The following DPM2 variants were observed in gnomAD, a reference collection of about 807,000 sequenced individuals.
The protein encoded by DPM2 is dolichol phosphate-mannose biosynthesis regulatory protein.
DPM2 carries 8 observed loss-of-function variants against 12.1 expected under a neutral mutation model. The ratio of observed to expected loss-of-function variants is 0.66; its 90% CI spans 0.39 to 1.19. The LOEUF (loss-of-function observed/expected upper bound fraction) is 1.19. DPM2 is among the 50% of genes most tolerant of loss of function. The pLI is 0.01. For synonymous variants in DPM2, 38 were observed against 44.7 expected, an observed-to-expected ratio of 0.85 and a Z score of 0.60; for missense variants, 93 against 102.5, an observed-to-expected ratio of 0.91 and a Z score of 0.40.
Position 127,936,556 on chromosome 9 carries a change from C to A in DPM2, c.193G>T (p.Val65Leu). 1 of 1,590,102 alleles carries A rather than the reference C, an allele frequency of 6.3e-7. No homozygotes were observed. Among genetic ancestry groups the A allele is most frequent in the East Asian group, 2.3e-5 (1 of 43,774 alleles). ...AGGGGAGGAGGTGATGACTTACCCA[C>A]AAACAGGAGCAGCAGGAGGCCTGCA... ...LAAGLLLLLF[V>L]GLFISYVMLK... The change falls in exon 3 of 4, where the codon GTG (valine) becomes TTG (leucine). Residue 65 changes from valine to leucine, a missense_variant. By Grantham distance (32) the Val-to-Leu change is conservative. Transcript: ENST00000314392.
rs952440093 is a variant in DPM2 at position 127,937,112 on chromosome 9, T to C, written c.93+322A>G. ...AATATCCTAAAGGCCTTCACAAATATCACTGGCGTTTGCCATGCCTAAGAG... is the reference window on the plus strand; with the variant it reads ...AATATCCTAAAGGCCTTCACAAATACCACTGGCGTTTGCCATGCCTAAGAG... On this transcript the variant is annotated intron_variant, in intron 2 of 3. Transcript: ENST00000314392. The C allele has an allele frequency of 1.3e-5, 4 of 302,460 alleles. No homozygotes were observed. The Admixed American group carries it at 1.9e-4, about 14-fold the overall frequency. The allele number at this position is 302,460 out of a possible 1,614,324, so 18.7% of individuals were successfully genotyped here.
chr9:127,935,582 C>T lies in DPM2; in HGVS notation c.*140G>A. ...GGGGCTCCAGTCAGTCAGGTGTAAGCTCCATGCCATGGGGACTCTGCAGGA... is the reference window on the plus strand; with the variant it reads ...GGGGCTCCAGTCAGTCAGGTGTAAGTTCCATGCCATGGGGACTCTGCAGGA... On this transcript the variant is annotated 3_prime_UTR_variant, in exon 4 of 4. Coordinates refer to ENST00000314392, the MANE Select transcript of DPM2 (RefSeq NM_003863.4). 1 of 841,224 alleles carries T rather than the reference C, an allele frequency of 1.2e-6. No homozygotes were observed. The highest frequency in any genetic ancestry group is 1.7e-5 in the African/African-American group (1 of 59,642). The allele number at this position is 841,224 out of a possible 1,614,324, so 52.1% of individuals were successfully genotyped here. A position where few individuals can be genotyped will look rare whatever the true frequency, so the allele number is the denominator to read the frequency against.
At chr9:127,936,755 A>C in intron 2 of DPM2, 100 bp from the exon 3 acceptor site, 1 of 1,065,886 alleles carries the variant, frequency 9.4e-7, no homozygotes, top group Non-Finnish European at 1.3e-6. Flanking sequence ...ACCCATTCAG[A>C]GGACTGGGAC....
In DPM2 at chr9:127,935,708, T is replaced by A. The variant is rs1352343761; in HGVS notation, c.*14A>T. 21 of 1,613,104 alleles carry A rather than the reference T, an allele frequency of 1.3e-5. No homozygotes were observed. Among genetic ancestry groups the A allele is most frequent in the Non-Finnish European group, 1.7e-5 (20 of 1,179,332 alleles). On this transcript the variant is annotated 3_prime_UTR_variant, in exon 4 of 4. Transcript: ENST00000314392. ...AGCAGAGAAGGGGCTGGCAGCCTCA[T>A]CCCTGCGGGACCTTCACTGAGCCTT...
At chr9:127,936,524 A>G in intron 3 of DPM2, 29 bp downstream of exon 3, 1 of 1,603,280 alleles carries the variant, frequency 6.2e-7, no homozygotes, top group Non-Finnish European at 8.5e-7. Context: ...AACCCTGCCC[A>G]GGGTCAAGGG....
At chr9:127,936,720 C>A in intron 2 of DPM2, 65 bp from the exon 3 acceptor site, 1 of 1,373,804 alleles carries the variant, frequency 7.3e-7, no homozygotes, top group East Asian at 2.7e-5. Context: ...GCCCAAACGT[C>A]CCACCTCCTC....
intron 2 of DPM2, 132 bp downstream of exon 2, chr9:127,937,302 A>G (rs553534555): frequency 3.1e-6 from 2 of 649,596 alleles, no homozygotes; most frequent in Non-Finnish European, 5.4e-6. Context: ...TCTTCCTCAT[A>G]GAGTTGTTCT....
Position 127,935,401 on chromosome 9 carries a change from G to A in DPM2, c.*321C>T. 2.2e-6 allele frequency: 1 copy of A among 450,098 alleles called. No individual in the cohort carries two copies. The highest frequency in any genetic ancestry group is 4.1e-6 in the Non-Finnish European group (1 of 243,800). The allele number at this position is 450,098 out of a possible 1,614,324, so 27.9% of individuals were successfully genotyped here. A position where few individuals can be genotyped will look rare whatever the true frequency, so the allele number is the denominator to read the frequency against. On this transcript the variant is annotated 3_prime_UTR_variant, in exon 4 of 4. Transcript: ENST00000314392. Reference sequence around the variant, plus strand: ...ACGTCAGCATGTGACAGGAGGGGAAGTGAGGCAAGACGGCAGAACCCAGGG... The same window carrying A: ...ACGTCAGCATGTGACAGGAGGGGAAATGAGGCAAGACGGCAGAACCCAGGG...
intron 3 of DPM2, chr9:127,935,984 T>C: frequency 1.6e-6 from 1 of 607,128 alleles, no homozygotes; most frequent in Non-Finnish European, 2.9e-6. Flanking sequence ...AGTGCCTGCC[T>C]CAAGCAAGAT....
chr9:127,937,023 T>A (rs1831517885), intron 2 of DPM2: 1 of 283,720 alleles, frequency 3.5e-6, no homozygotes, highest in Non-Finnish European at 6.5e-6. Flanking sequence ...GGATACCAAG[T>A]TCTGCACTTC....
chr9:127,937,710 G>C, intron 1 of DPM2, 108 bp downstream of exon 1: 1 of 1,442,742 alleles, frequency 6.9e-7, no homozygotes, highest in Non-Finnish European at 9.8e-7. Flanking sequence ...TACAATAGTG[G>C]GGGCGGGAGA....
chr9:127,937,449 GGC>G lies in DPM2; in HGVS notation c.76_77del (p.Ala26LeufsTer65), dbSNP rs1245766352. The G allele has an allele frequency of 6.2e-7, 1 of 1,613,596 alleles. No individual in the cohort carries two copies. The highest frequency in any genetic ancestry group is 1.7e-5 in the Admixed American group (1 of 59,964). On this transcript the variant is annotated frameshift_variant, in exon 2 of 4. Coordinates refer to ENST00000314392, the MANE Select transcript of DPM2 (RefSeq NM_003863.4). LOFTEE classifies it high-confidence loss of function. ...VSLIIFTYYT[A>X]WVILLPFIDS... ...AATGACATACCAAGAGAATCACCCAGGCGGTGTAGTAGGTGAAGATGATCAGG... is the reference window on the plus strand; with the variant it reads ...AATGACATACCAAGAGAATCACCCAGGGTGTAGTAGGTGAAGATGATCAGG...
At chr9:127,937,285 ACT>A (rs1205843591) in intron 2 of DPM2, 147 bp downstream of exon 2, 1 of 600,248 alleles carries the variant, frequency 1.7e-6, no homozygotes, top group African/African-American at 1.9e-5. Context: ...ATGCGGTACC[ACT>A]GGCATCTTCC....
rs1026866240 is a variant in DPM2 at position 127,937,453 on chromosome 9, G to C, written c.74C>G (p.Thr25Ser). 9.3e-6 allele frequency: 15 copies of C among 1,613,558 alleles called. No individual in the cohort carries two copies. In the African/African-American group the frequency reaches 1.9e-4, roughly 20 times the overall value. The change falls in exon 2 of 4, where the codon ACC (threonine) becomes AGC (serine). Residue 25 changes from threonine (T) to serine (S), a missense_variant. Coordinates refer to ENST00000314392, the MANE Select transcript of DPM2 (RefSeq NM_003863.4). The stretch of plus-strand genomic sequence containing the variant: ...ACATACCAAGAGAATCACCCAGGCG[G>C]TGTAGTAGGTGAAGATGATCAGGCT... ...AVSLIIFTYY[T>S]AWVILLPFID... is the part of the protein sequence containing the mutation.
Position 127,935,864 on chromosome 9 carries a change from C to T in DPM2, c.197-84G>A, listed in dbSNP as rs1776144706. On this transcript the variant is annotated intron_variant, in intron 3 of 3. Transcript: ENST00000314392. ...CAGGGCATGACACAGCAGAGCCACC[C>T]ACACACAGGGCTGTGAACCTACCCA... The T allele has an allele frequency of 2.9e-6, 4 of 1,358,772 alleles. No homozygotes were observed. In the South Asian group the frequency reaches 3.5e-5, roughly 12 times the overall value. The allele number at this position is 1,358,772 out of a possible 1,614,324, so 84.2% of individuals were successfully genotyped here.
rs1451816242 is a variant in DPM2, at chr9:127,935,177, G to A, written c.*545C>T. Reference sequence around the variant, plus strand: ...CTTTGGGGCTGGGCCTCCGTGAGGAGAGGTCAGTCGGTCAGCGGCCCGGGG... The same window carrying A: ...CTTTGGGGCTGGGCCTCCGTGAGGAAAGGTCAGTCGGTCAGCGGCCCGGGG... On this transcript the variant is annotated 3_prime_UTR_variant, in exon 4 of 4. Transcript: ENST00000314392. 3 of 170,228 alleles carry A rather than the reference G, an allele frequency of 1.8e-5. No homozygotes were observed. The highest frequency in any genetic ancestry group is 7.2e-5 in the African/African-American group (3 of 41,634). 10.5% of individuals were successfully genotyped at this position (170,228 alleles called of 1,614,324 possible). A position where few individuals can be genotyped will look rare whatever the true frequency, so the allele number is the denominator to read the frequency against.
Position 127,936,649 on chromosome 9 carries a change from T to C in DPM2, c.100A>G (p.Ile34Val), listed in dbSNP as rs1831510934. 49 of 1,498,056 alleles carry C rather than the reference T, an allele frequency of 3.3e-5. No individual in the cohort carries two copies. Among genetic ancestry groups the C allele is most frequent in the Non-Finnish European group, 4.4e-5 (49 of 1,123,472 alleles). The allele number at this position is 1,498,056 out of a possible 1,614,324, so 92.8% of individuals were successfully genotyped here. Residue 34 changes from isoleucine (I) to valine (V), a missense_variant, in exon 3 of 4, where the codon ATC becomes GTC. Transcript: ENST00000314392. ...YTAWVILLPF[I>V]DSQHVIHKYF... is the part of the protein sequence containing the mutation. ...TTGTGGATGACATGCTGACTGTCGA[T>C]GAATGGCTGGCATCGAGGGAAGAGC...
At position 127,935,231 on chromosome 9, in the gene DPM2, T is replaced by C. The variant is rs529781076; in HGVS notation, c.*491A>G. On this transcript the variant is annotated 3_prime_UTR_variant, in exon 4 of 4. Coordinates refer to ENST00000314392, the MANE Select transcript of DPM2 (RefSeq NM_003863.4). ...CTGCCCTGAGCCCCAGGGCTGGTCC[T>C]GGGGTCTGTCAGTCCTTCCCCAGGC... 40 of 203,684 alleles carry C rather than the reference T, an allele frequency of 2.0e-4. No homozygotes were observed. The South Asian group carries it at 2.9e-3, about 15-fold the overall frequency. The allele number at this position is 203,684 out of a possible 1,614,324, so 12.6% of individuals were successfully genotyped here.
At chr9:127,937,353 G>T (rs542427114) in intron 2 of DPM2, 81 bp downstream of exon 2, 1 of 1,076,518 alleles carries the variant, frequency 9.3e-7, no homozygotes, top group Non-Finnish European at 1.4e-6. Context: ...AGCCAGCGCC[G>T]TGCCTAGAGC....
Sources: gnomAD v4.1 joint callset for allele counts on GRCh38, gnomAD v4.1.1 for gene constraint, MANE v1.5 for transcripts, NCBI Gene and HGNC (gene_info 2026-07-23, HGNC 2026-07-21) for gene names.